The following NAA11 variants were observed in gnomAD, a reference collection of about 807,000 sequenced individuals.
NAA11 encodes the protein N-alpha-acetyltransferase 11.
NAA11 carries 15 observed loss-of-function variants against 16.1 expected under a neutral mutation model. The ratio of observed to expected loss-of-function variants is 0.93; its 90% CI spans 0.62 to 1.44. The LOEUF (loss-of-function observed/expected upper bound fraction) is 1.44, where lower values mean the gene tolerates loss of function less well. Ranked by LOEUF, NAA11 falls within the 40% of genes most tolerant of loss-of-function variation. The pLI, the probability that NAA11 is intolerant of heterozygous loss-of-function variation, is 0.00. For synonymous variants in NAA11, 122 were observed against 112.4 expected (o/e 1.09, Z -0.54); for missense variants, 298 against 291.3 (o/e 1.02, Z -0.17).
At chr4:79,255,820 C>G (rs531088662) in intron 2 of NAA11, among the ~76,000 whole-genome samples, 5 of 152,190 alleles carry the variant, frequency 3.3e-5, no homozygotes, top group Non-Finnish European at 7.3e-5. Context: ...CAGACAGTAG[C>G]AGCTTAGAGC....
At chr4:79,180,673 G>A in the NAA11 span, among the ~76,000 whole-genome samples, 8 of 152,258 alleles carry the variant, frequency 5.3e-5, no homozygotes, top group South Asian at 1.7e-3. Flanking sequence ...ACAGTGTGGC[G>A]ATTCCTCAAG....
the NAA11 span, among the ~76,000 whole-genome samples, chr4:79,160,473 C>T: frequency 2.7e-4 from 41 of 152,166 alleles, no homozygotes; most frequent in African/African-American, 9.7e-4. Flanking sequence ...CATTTTCCAC[C>T]GCCAGTAGTG....
the NAA11 span, among the ~76,000 whole-genome samples, chr4:79,187,027 T>C: frequency 0.21 from 31,473 of 152,178 alleles, 3,655 homozygotes; most frequent in African/African-American, 0.29. Context: ...GAGTGCATAT[T>C]CTTTGTCTGG....
the NAA11 span, among the ~76,000 whole-genome samples, chr4:79,157,988 C>T: frequency 2.0e-5 from 3 of 150,832 alleles, no homozygotes; most frequent in South Asian, 6.3e-4. Context: ...GCAAGGTCTC[C>T]CTCCCGGGTT....
intron 2 of NAA11, among the ~76,000 whole-genome samples, chr4:79,287,161 G>C (rs1722960240): frequency 6.6e-6 from 1 of 152,118 alleles, no homozygotes; most frequent in African/African-American, 2.4e-5. Context: ...ACTGTAGTTT[G>C]AGATAATTGT....
At chr4:79,190,857 G>A in the NAA11 span, among the ~76,000 whole-genome samples, 10 of 152,028 alleles carry the variant, frequency 6.6e-5, no homozygotes, top group African/African-American at 1.9e-4. Context: ...AGTGTCTGTT[G>A]TTTCTTTCTT....
chr4:79,157,251 C>G, the NAA11 span, among the ~76,000 whole-genome samples: 1 of 152,010 alleles, frequency 6.6e-6, no homozygotes, highest in African/African-American at 2.4e-5. Context: ...ATCTCTCACC[C>G]CCTCCCACCT....
intron 1 of NAA11, among the ~76,000 whole-genome samples, chr4:79,309,719 T>C (rs1401214358): frequency 5.1e-5 from 7 of 136,102 alleles, no homozygotes; most frequent in Non-Finnish European, 6.4e-5. Context: ...TTTTTCTTTT[T>C]TTTTTTTTTT....
At chr4:79,208,925 C>CAAAA in the NAA11 span, among the ~76,000 whole-genome samples, 177 of 53,974 alleles carry the variant, frequency 3.3e-3, 10 homozygotes, top group African/African-American at 7.9e-3. Context: ...ATATAACTGC[C>CAAAA]AAAAAAAAAA....
intron 2 of NAA11, among the ~76,000 whole-genome samples, chr4:79,270,530 A>G (rs1722469808): frequency 7.0e-6 from 1 of 142,846 alleles, no homozygotes; most frequent in East Asian, 2.0e-4. Flanking sequence ...TCATTTTATG[A>G]GGCCAGCATC....
chr4:79,218,993 A>G, the NAA11 span, among the ~76,000 whole-genome samples: 1 of 152,158 alleles, frequency 6.6e-6, no homozygotes, highest in Non-Finnish European at 1.5e-5. Context: ...CATATATAAT[A>G]CATGATATAT....
chr4:79,248,927 T>TA (rs34047523), intron 2 of NAA11, among the ~76,000 whole-genome samples: 2 of 152,124 alleles, frequency 1.3e-5, no homozygotes, highest in African/African-American at 4.8e-5. Context: ...TACCACTGCC[T>TA]AAAAAGCACT....
At chr4:79,167,068 A>G in the NAA11 span, among the ~76,000 whole-genome samples, 1 of 129,624 alleles carries the variant, frequency 7.7e-6, no homozygotes, top group African/African-American at 2.9e-5. Flanking sequence ...AGGTATGGGG[A>G]GTCACCAAGT....
chr4:79,225,299 C>A (rs1721285886), downstream of NAA11, among the ~76,000 whole-genome samples: 1 of 151,862 alleles, frequency 6.6e-6, no homozygotes, highest in Non-Finnish European at 1.5e-5. Context: ...GGGGCTGGAC[C>A]TTGCAGGACC....
chr4:79,157,581 A>G, the NAA11 span, among the ~76,000 whole-genome samples: 1 of 152,056 alleles, frequency 6.6e-6, no homozygotes, highest in East Asian at 1.9e-4. Flanking sequence ...ATATATACAT[A>G]TATACGTGTG....
the NAA11 span, among the ~76,000 whole-genome samples, chr4:79,158,996 A>G: frequency 1.3e-5 from 2 of 152,138 alleles, no homozygotes; most frequent in East Asian, 3.9e-4. Context: ...AGAAGACCAC[A>G]TTGGAAAAAC....
the NAA11 span, among the ~76,000 whole-genome samples, chr4:79,155,754 A>G: frequency 1.3e-5 from 2 of 152,224 alleles, no homozygotes; most frequent in Non-Finnish European, 2.9e-5. Context: ...AGTGTTTATG[A>G]TTGATGACAA....
intron 2 of NAA11, among the ~76,000 whole-genome samples, chr4:79,236,773 C>T (rs559133626): frequency 1.1e-4 from 17 of 152,224 alleles, no homozygotes; most frequent in Middle Eastern, 3.4e-3. Context: ...TAAAGGGTTG[C>T]ACAAACAGAG....
At position 79,316,751 on chromosome 4, in the gene NAA11, T is replaced by G. The variant is rs1723940760; in HGVS notation, c.*1053A>C. 6.6e-6 allele frequency: 1 copy of G among 151,454 alleles called. No homozygotes were observed. Among genetic ancestry groups the G allele is most frequent in the Non-Finnish European group, 1.5e-5 (1 of 67,998 alleles). The allele number at this position is 151,454 out of a possible 1,614,324, so 9.4% of individuals were successfully genotyped here. A position where few individuals can be genotyped will look rare whatever the true frequency, so the allele number is the denominator to read the frequency against. Reference sequence around the variant, plus strand: ...AAATAGATTATAATTGTAGGTTATATAAATATTTACAATTGACATACAGTA... The same window carrying G: ...AAATAGATTATAATTGTAGGTTATAGAAATATTTACAATTGACATACAGTA... On this transcript the variant is annotated 3_prime_UTR_variant, in exon 2 of 2. Coordinates refer to ENST00000286794, the MANE Select transcript of NAA11 (RefSeq NM_032693.3).
Sources: gnomAD v4.1 joint callset for allele counts (sites outside exome capture counted in the v4.1 genomes callset) on GRCh38, gnomAD v4.1.1 for gene constraint, MANE v1.5 for transcripts, NCBI Gene and HGNC (gene_info 2026-07-23, HGNC 2026-07-21) for gene names.